Variants in TBC1D14 observed in about 807,000 individuals in gnomAD.
TBC1D14 encodes TBC1 domain family member 14.
TBC1D14 carries 26 observed loss-of-function variants against 79.0 expected under a neutral mutation model. The observed-to-expected ratio is 0.33, with a 90% CI of 0.24 to 0.46. The LOEUF is 0.46. Ranked by LOEUF, TBC1D14 falls within the 20% of genes least tolerant of loss-of-function variation. The pLI is 1.00. For synonymous variants in TBC1D14, 394 were observed against 349.9 expected (o/e 1.13, Z -1.40); for missense variants, 769 against 887.6 (o/e 0.87, Z 1.70).
chr4:6,951,865 T>C (rs1714073707), intron 2 of TBC1D14, among the ~76,000 whole-genome samples: 1 of 152,156 alleles, frequency 6.6e-6, no homozygotes, highest in Non-Finnish European at 1.5e-5. Context: ...TTGTTGTTGT[T>C]GTTGAGGTAT....
chr4:6,983,468 T>C (rs1466614082), intron 3 of TBC1D14, among the ~76,000 whole-genome samples: 1 of 152,130 alleles, frequency 6.6e-6, no homozygotes, highest in Admixed American at 6.5e-5. Context: ...AGGGAAACAT[T>C]ATACAGCTGG....
At chr4:6,949,381 C>T (rs1353692274) in intron 2 of TBC1D14, among the ~76,000 whole-genome samples, 2 of 151,998 alleles carry the variant, frequency 1.3e-5, no homozygotes, top group Non-Finnish European at 2.9e-5. Flanking sequence ...GTGTTTATTA[C>T]ATGAAGACTT....
chr4:7,009,122 C>G (rs1005805466), intron 9 of TBC1D14, among the ~76,000 whole-genome samples: 1 of 152,236 alleles, frequency 6.6e-6, no homozygotes, highest in Non-Finnish European at 1.5e-5. Context: ...CTTCTTATCT[C>G]TCACCATGTG....
At chr4:6,935,981 A>T (rs926509333) in intron 2 of TBC1D14, among the ~76,000 whole-genome samples, 1 of 152,182 alleles carries the variant, frequency 6.6e-6, no homozygotes, top group Non-Finnish European at 1.5e-5. Flanking sequence ...TTTACTTTTT[A>T]AAAAATAGAC....
intron 7 of TBC1D14, among the ~76,000 whole-genome samples, chr4:7,003,888 C>T (rs1719918168): frequency 6.6e-6 from 1 of 151,908 alleles, no homozygotes. Context: ...CCTGTAATCC[C>T]ACCTATTCAG....
chr4:6,959,032 T>A (rs920331679), intron 2 of TBC1D14, among the ~76,000 whole-genome samples: 3 of 152,164 alleles, frequency 2.0e-5, no homozygotes, highest in Admixed American at 1.3e-4. Context: ...TACAGGCGCC[T>A]GCCACTACGC....
chr4:6,969,143 T>G (rs1350437556), intron 3 of TBC1D14, among the ~76,000 whole-genome samples: 1 of 152,246 alleles, frequency 6.6e-6, no homozygotes, highest in Non-Finnish European at 1.5e-5. Context: ...AGTGTTGGAA[T>G]TCATTTTTGT....
Position 7,030,719 on chromosome 4 carries a change from A to G in TBC1D14, c.*327A>G, listed in dbSNP as rs752139072. 5.1e-5 allele frequency: 12 copies of G among 234,828 alleles called. No homozygotes were observed. The Admixed American group carries it at 5.4e-4, about 11-fold the overall frequency. The allele number at this position is 234,828 out of a possible 1,614,324, so 14.5% of individuals were successfully genotyped here. A position where few individuals can be genotyped will look rare whatever the true frequency, so the allele number is the denominator to read the frequency against. ...ATTAAATTGTAATGTTTCTATGTCAACTACTGGGAAGTATGTTACAGTCTT... is the reference window on the plus strand; with the variant it reads ...ATTAAATTGTAATGTTTCTATGTCAGCTACTGGGAAGTATGTTACAGTCTT... On this transcript the variant is annotated 3_prime_UTR_variant, in exon 14 of 14. Coordinates refer to ENST00000409757, the MANE Select transcript of TBC1D14 (RefSeq NM_020773.3).
intron 13 of TBC1D14, 48 bp downstream of exon 13, chr4:7,025,310 G>A: frequency 1.2e-6 from 2 of 1,608,456 alleles, no homozygotes; most frequent in Non-Finnish European, 1.7e-6. Context: ...GCCGGCAAGT[G>A]GCGCGACTCA....
intron 2 of TBC1D14, among the ~76,000 whole-genome samples, chr4:6,948,707 GTTT>G (rs71173474): frequency 7.4e-6 from 1 of 135,396 alleles, no homozygotes; most frequent in African/African-American, 2.8e-5. Context: ...GGGGTACTTG[GTTT>G]TTTTTTTTTT....
intron 13 of TBC1D14, among the ~76,000 whole-genome samples, chr4:7,026,446 G>A (rs1357457166): frequency 2.6e-5 from 4 of 152,210 alleles, no homozygotes; most frequent in African/African-American, 9.7e-5. Flanking sequence ...TTCAAATTCA[G>A]ATGTCATAAA....
At chr4:7,027,816 T>A (rs571021809) in intron 13 of TBC1D14, among the ~76,000 whole-genome samples, 65 of 114,806 alleles carry the variant, frequency 5.7e-4, no homozygotes, top group Non-Finnish European at 8.1e-4. Flanking sequence ...CACACACCCT[T>A]AAATACACAG....
chr4:7,010,929 G>A, intron 11 of TBC1D14, 148 bp downstream of exon 11: 3 of 970,826 alleles, frequency 3.1e-6, no homozygotes, highest in Non-Finnish European at 4.4e-6. Flanking sequence ...GGTGGAGGAT[G>A]ATTTTGAGCA....
intron 1 of TBC1D14, among the ~76,000 whole-genome samples, chr4:6,918,668 G>C (rs201589374): frequency 6.6e-6 from 1 of 152,196 alleles, no homozygotes; most frequent in South Asian, 2.1e-4. Flanking sequence ...CTGGGCCTGC[G>C]AGAGGCCCTC....
At chr4:6,999,264 A>G in intron 6 of TBC1D14, 62 bp downstream of exon 6, 1 of 1,446,718 alleles carries the variant, frequency 6.9e-7, no homozygotes, top group Non-Finnish European at 9.7e-7. Flanking sequence ...TCTGTGGGCC[A>G]CAGCTGTAGT....
intron 3 of TBC1D14, among the ~76,000 whole-genome samples, chr4:6,979,648 A>G (rs1717182913): frequency 6.6e-6 from 1 of 152,186 alleles, no homozygotes; most frequent in Non-Finnish European, 1.5e-5. Context: ...AGACCCAACT[A>G]TGTATATGTT....
At chr4:6,913,408 G>T (rs1026480006) in intron 1 of TBC1D14, among the ~76,000 whole-genome samples, 1 of 152,228 alleles carries the variant, frequency 6.6e-6, no homozygotes, top group Non-Finnish European at 1.5e-5. Flanking sequence ...TACCTTTTGG[G>T]CAACATTAAG....
rs1268521919 is a variant in TBC1D14 at position 7,032,307 on chromosome 4, G to A, written c.*1915G>A. The A allele has an allele frequency of 6.6e-6, 1 of 152,668 alleles. No individual in the cohort carries two copies. Among genetic ancestry groups the A allele is most frequent in the African/African-American group, 2.4e-5 (1 of 41,440 alleles). The allele number at this position is 152,668 out of a possible 1,614,324, so 9.5% of individuals were successfully genotyped here. On this transcript the variant is annotated 3_prime_UTR_variant, in exon 14 of 14. Transcript: ENST00000409757. ...GTACTTATTTTTGTTCATGTTACGGGCGTTCCGTTCCTTAAAGATGTATAT... is the reference window on the plus strand; with the variant it reads ...GTACTTATTTTTGTTCATGTTACGGACGTTCCGTTCCTTAAAGATGTATAT...
At chr4:6,986,207 A>G (rs532957560) in intron 3 of TBC1D14, among the ~76,000 whole-genome samples, 3 of 152,328 alleles carry the variant, frequency 2.0e-5, no homozygotes, top group South Asian at 2.1e-4. Flanking sequence ...ATGTAGGCCC[A>G]TGTCTCAGCA....
Sources: gnomAD v4.1 joint callset for allele counts (sites outside exome capture counted in the v4.1 genomes callset) on GRCh38, gnomAD v4.1.1 for gene constraint, MANE v1.5 for transcripts, NCBI Gene and HGNC (gene_info 2026-07-23, HGNC 2026-07-21) for gene names.